CNKSR2: variants seen among roughly 807,000 people sequenced by gnomAD.
The protein encoded by CNKSR2 is CNK homolog protein 2.
CNKSR2 carries 14 observed loss-of-function variants against 84.4 expected under a neutral mutation model. The ratio of observed to expected loss-of-function variants is 0.17; its 90% CI spans 0.11 to 0.26. The LOEUF is 0.26. CNKSR2 is among the 10% of genes least tolerant of loss of function. The pLI, the probability that CNKSR2 is intolerant of heterozygous loss-of-function variation, is 1.00. For synonymous variants in CNKSR2, 275 were observed against 277.9 expected, an observed-to-expected ratio of 0.99 and a Z score of 0.10; for missense variants, 485 against 771.2, an observed-to-expected ratio of 0.63 and a Z score of 4.40.
At chrX:21,639,375 G>A (rs545792175) in intron 20 of CNKSR2, among the ~76,000 whole-genome samples, 13 of 111,924 alleles carry the variant, frequency 1.2e-4, no homozygotes, top group South Asian at 3.7e-4. Flanking sequence ...GCCAGTACAC[G>A]TATACTTAAG....
chrX:21,647,514 G>A (rs935517867), intron 20 of CNKSR2, among the ~76,000 whole-genome samples: 3 of 111,636 alleles, frequency 2.7e-5, no homozygotes, highest in African/African-American at 9.8e-5. Context: ...GAAAAAAATT[G>A]GCAGTATAGA....
chrX:21,630,541 T>G (rs1184351764), intron 20 of CNKSR2, among the ~76,000 whole-genome samples: 1 of 111,370 alleles, frequency 9.0e-6, no homozygotes, highest in Non-Finnish European at 1.9e-5. Flanking sequence ...TTAAATAGCA[T>G]AATCCAGGAC....
At chrX:21,382,436 C>T (rs1273489406) in intron 1 of CNKSR2, among the ~76,000 whole-genome samples, 1 of 111,398 alleles carries the variant, frequency 9.0e-6, no homozygotes, top group Non-Finnish European at 1.9e-5. Flanking sequence ...TTAAAACACA[C>T]TCCTTCTCCT....
At chrX:21,638,738 A>G (rs1230024957) in intron 20 of CNKSR2, among the ~76,000 whole-genome samples, 1 of 112,452 alleles carries the variant, frequency 8.9e-6, no homozygotes, top group East Asian at 2.8e-4. Context: ...AGCTTGGTAA[A>G]TAGTGAAATT....
At chrX:21,471,290 A>G (rs2091195168) in intron 5 of CNKSR2, among the ~76,000 whole-genome samples, 1 of 112,226 alleles carries the variant, frequency 8.9e-6, no homozygotes, top group South Asian at 3.7e-4. Flanking sequence ...GACTTTACAT[A>G]TATTTTATTA....
At chrX:21,375,120 C>G (rs945956366) in intron 1 of CNKSR2, among the ~76,000 whole-genome samples, 159 bp downstream of exon 1, 1 of 112,586 alleles carries the variant, frequency 8.9e-6, no homozygotes, top group African/African-American at 3.2e-5. Flanking sequence ...TGGCAGGGGC[C>G]TGGGGTCCCC....
rs769164775 is a variant in CNKSR2 at position 21,611,657 on chromosome X, A to T, written c.2692+2040A>T. On this transcript the variant is annotated intron_variant, in intron 20 of 21. Transcript: ENST00000379510. ...TGGATTGGATTTTTTAGCCAAATAG[A>T]TGCACTCCTAAGTTGGTTGGGTTTT... 3.6e-5 allele frequency among the ~76,000 whole-genome samples: 4 copies of T among 111,808 alleles called. No homozygotes were observed. The South Asian group carries it at 1.5e-3, about 42-fold the overall frequency.
At chrX:21,611,958 G>A (rs2092552515) in intron 20 of CNKSR2, among the ~76,000 whole-genome samples, 1 of 111,649 alleles carries the variant, frequency 9.0e-6, no homozygotes, top group African/African-American at 3.3e-5. Context: ...TGATTTCTCC[G>A]TGTACTTCAA....
intron 4 of CNKSR2, among the ~76,000 whole-genome samples, chrX:21,459,898 C>T (rs2091040699): frequency 9.0e-6 from 1 of 111,657 alleles, no homozygotes. Flanking sequence ...TTTAAAGCTT[C>T]TTGCTGTCAT....
intron 8 of CNKSR2, among the ~76,000 whole-genome samples, chrX:21,508,164 C>T (rs1212418316): frequency 1.8e-5 from 2 of 111,157 alleles, no homozygotes; most frequent in Non-Finnish European, 3.8e-5. Context: ...CACGTCTCTA[C>T]AGAAAATTTT....
intron 9 of CNKSR2, among the ~76,000 whole-genome samples, chrX:21,522,225 G>C (rs1260630028): frequency 1.8e-5 from 2 of 110,815 alleles, no homozygotes; most frequent in African/African-American, 6.5e-5. Flanking sequence ...ATGGGGTATT[G>C]TGATCCATTT....
intron 1 of CNKSR2, among the ~76,000 whole-genome samples, chrX:21,416,923 G>A (rs2090430309): frequency 9.0e-6 from 1 of 110,828 alleles, no homozygotes; most frequent in South Asian, 3.7e-4. Context: ...AATTTCATTT[G>A]TCTATGGTCT....
rs891621853 is a variant in CNKSR2, at chrX:21,374,684, G to T, written c.-214G>T. 9.8e-6 allele frequency: 5 copies of T among 507,817 alleles called. No homozygotes were observed. The highest frequency in any genetic ancestry group is 1.8e-5 in the Non-Finnish European group (5 of 284,548). The allele number at this position is 507,817 out of a possible 1,213,427, so 41.8% of individuals were successfully genotyped here. A position where few individuals can be genotyped will look rare whatever the true frequency, so the allele number is the denominator to read the frequency against. On this transcript the variant is annotated 5_prime_UTR_variant, in exon 1 of 22. Transcript: ENST00000379510. Reference sequence around the variant, plus strand: ...CTGAGCAGACCCGGCGCGGAGCCACGACTCCTGCACGTTTACCTCCCTGTC... The same window carrying T: ...CTGAGCAGACCCGGCGCGGAGCCACTACTCCTGCACGTTTACCTCCCTGTC...
intron 20 of CNKSR2, among the ~76,000 whole-genome samples, chrX:21,646,385 GT>G (rs1266190281): frequency 9.0e-6 from 1 of 111,455 alleles, no homozygotes; most frequent in Admixed American, 9.5e-5. Flanking sequence ...AGTTTTTATT[GT>G]TTAATACCTA....
At chrX:21,529,766 T>C (rs1295736535) in intron 10 of CNKSR2, among the ~76,000 whole-genome samples, 2 of 110,938 alleles carry the variant, frequency 1.8e-5, no homozygotes, top group Admixed American at 1.9e-4. Context: ...TTTTGCTTGG[T>C]ACTTTTCTTA....
chrX:21,587,009 C>T, intron 13 of CNKSR2, among the ~76,000 whole-genome samples: 1 of 111,470 alleles, frequency 9.0e-6, no homozygotes, highest in East Asian at 2.8e-4. Context: ...CAATACAACA[C>T]AAAAATTGCC....
intron 11 of CNKSR2, among the ~76,000 whole-genome samples, chrX:21,548,377 G>A (rs1321386479): frequency 9.0e-6 from 1 of 111,512 alleles, no homozygotes; most frequent in Non-Finnish European, 1.9e-5. Context: ...CAAGGAAGAA[G>A]CTGACTCCCT....
intron 20 of CNKSR2, among the ~76,000 whole-genome samples, chrX:21,640,660 A>G (rs1213160866): frequency 1.8e-5 from 2 of 111,747 alleles, no homozygotes. Flanking sequence ...TTTTCTCAAT[A>G]TGACTCAAAA....
chrX:21,547,254 G>T (rs1242975091), intron 11 of CNKSR2, among the ~76,000 whole-genome samples: 3 of 110,353 alleles, frequency 2.7e-5, no homozygotes, highest in Non-Finnish European at 5.7e-5. Flanking sequence ...CAAATGGAAA[G>T]CAAGAAAAAA....
Sources: gnomAD v4.1 joint callset for allele counts (sites outside exome capture counted in the v4.1 genomes callset) on GRCh38, gnomAD v4.1.1 for gene constraint, MANE v1.5 for transcripts, NCBI Gene and HGNC (gene_info 2026-07-23, HGNC 2026-07-21) for gene names.